CACNA1H: variants seen among roughly 807,000 people sequenced by gnomAD.
CACNA1H encodes voltage-dependent T-type calcium channel subunit alpha-1H.
Under a neutral mutation model 192.5 loss-of-function variants are expected in CACNA1H, and 149 were observed. The observed-to-expected ratio is 0.77, with a 90% confidence interval of 0.68 to 0.89. The LOEUF is 0.89. Ranked by LOEUF, CACNA1H falls within the 40% of genes least tolerant of loss-of-function variation. The pLI, the probability that CACNA1H is intolerant of heterozygous loss-of-function variation, is 0.00. For synonymous variants in CACNA1H, 2,202 were observed against 1,475.2 expected, an observed-to-expected ratio of 1.49 and a Z score of -11.29; for missense variants, 4,257 against 3,423.5, an observed-to-expected ratio of 1.24 and a Z score of -6.08.
rs1431381776 is a variant in CACNA1H at position 1,208,217 on chromosome 16, C to G, written c.3359C>G (p.Pro1120Arg). 20 of 1,558,734 alleles carry G rather than the reference C, an allele frequency of 1.3e-5. No homozygotes were observed. The highest frequency in any genetic ancestry group is 1.6e-5 in the Non-Finnish European group (19 of 1,154,450). ...SGDPPLGDQK[P>R]PASLRSSPCA... Reference sequence around the variant, plus strand: ...GACCCGCCACTGGGAGACCAGAAGCCTCCGGTAGGGACCATCTCCTGCCCC... The same window carrying G: ...GACCCGCCACTGGGAGACCAGAAGCGTCCGGTAGGGACCATCTCCTGCCCC... Residue 1120 changes from proline to arginine, a missense_variant, in exon 16 of 35, where the codon CCT (proline) becomes CGT (arginine). Coordinates refer to ENST00000348261, the MANE Select transcript of CACNA1H (RefSeq NM_021098.3).
In CACNA1H at chr16:1,204,044, C is replaced by CA; in HGVS notation, c.2038dup (p.Ser680LysfsTer17). On this transcript the variant is annotated frameshift_variant, in exon 10 of 35. Coordinates refer to ENST00000348261, the MANE Select transcript of CACNA1H (RefSeq NM_021098.3). LOFTEE classifies it high-confidence loss of function. ...AGGCCCCTGGCCATCTGTCGGGCCT[C>CA]AGTGTGCCCTGCCCCCTGCCCAGCC... is the stretch of plus-strand genomic sequence containing the variant. 1 of 1,581,224 alleles carries CA rather than the reference C, an allele frequency of 6.3e-7. No homozygotes were observed. Among genetic ancestry groups the CA allele is most frequent in the Non-Finnish European group, 8.6e-7 (1 of 1,164,568 alleles).
chr16:1,211,456 C>T (rs377540235), intron 22 of CACNA1H, 25 bp from the exon 23 acceptor site: 304 of 1,612,062 alleles, frequency 1.9e-4, no homozygotes, highest in African/African-American at 3.9e-4. Flanking sequence ...CCAGGCCCTC[C>T]GCGGTGACCG....
rs568016252 is a variant in CACNA1H, at chr16:1,210,309, C to G, written c.3846-61C>G. ...GCGTGGCCAGGGCTGTCCTGCAACC[C>G]CCATCCACTCTGCCATCCACGCCGC... On this transcript the variant is annotated intron_variant, in intron 18 of 34. Transcript: ENST00000348261. 1.0e-4 allele frequency: 149 copies of G among 1,428,388 alleles called. 1 individual carries two copies. Among genetic ancestry groups the G allele is most frequent in the Non-Finnish European group, 1.4e-4 (146 of 1,050,456 alleles). The allele number at this position is 1,428,388 out of a possible 1,614,324, so 88.5% of individuals were successfully genotyped here.
chr16:1,210,419 G>A lies in CACNA1H; in HGVS notation c.3895G>A (p.Val1299Met), dbSNP rs748908706. The A allele has an allele frequency of 6.7e-6, 10 of 1,496,420 alleles. No individual in the cohort carries two copies. Among genetic ancestry groups the A allele is most frequent in the African/African-American group, 1.5e-5 (1 of 67,864 alleles). 92.7% of individuals were successfully genotyped at this position (1,496,420 alleles called of 1,614,324 possible). ...KVITHKMFDHVVLVFIFLNCV... is the reference protein window; with the variant it reads ...KVITHKMFDHMVLVFIFLNCV... ...CATCACACACAAGATGTTTGATCAC[G>A]TGGTCCTCGTCTTCATCTTCCTCAA... The change falls in exon 19 of 35, where the codon GTG (valine) becomes ATG (methionine). Residue 1299 changes from valine to methionine, a missense_variant. Coordinates refer to ENST00000348261, the MANE Select transcript of CACNA1H (RefSeq NM_021098.3).
intron 33 of CACNA1H, 117 bp from the exon 34 acceptor site, chr16:1,218,853 C>A: frequency 2.3e-6 from 2 of 860,204 alleles, no homozygotes; most frequent in Non-Finnish European, 3.1e-6. Flanking sequence ...GAGGACGGGT[C>A]GGGCTGGGGC....
chr16:1,213,990 A>C, intron 27 of CACNA1H, 59 bp downstream of exon 27: 1 of 1,445,672 alleles, frequency 6.9e-7, no homozygotes. Flanking sequence ...TGGGGCAGCC[A>C]ACACAGTGGG....
At chr16:1,206,698 C>G (rs1968756076) in intron 12 of CACNA1H, 1 of 456,654 alleles carries the variant, frequency 2.2e-6, no homozygotes, top group Non-Finnish European at 4.0e-6. Flanking sequence ...TCCAGAGAGG[C>G]TGAATGAGGC....
At position 1,207,407 on chromosome 16, in the gene CACNA1H, C is replaced by T; in HGVS notation, c.3040C>T (p.Leu1014Phe). 1 of 1,613,200 alleles carries T rather than the reference C, an allele frequency of 6.2e-7. No homozygotes were observed. Among genetic ancestry groups the T allele is most frequent in the Non-Finnish European group, 8.5e-7 (1 of 1,179,806 alleles). ...YVLFNLLVAI[L>F]VEGFQAEGDA... ...GCTCTTCAACCTGCTGGTGGCCATC[C>T]TCGTGGAGGGCTTCCAGGCGGAGGT... The change falls in exon 14 of 35, where the codon CTC becomes TTC. Residue 1014 changes from leucine (L) to phenylalanine (F), a missense_variant. Leu to Phe is a conservative substitution (Grantham distance 22, BLOSUM62 0). Transcript: ENST00000348261.
intron 2 of CACNA1H, among the ~76,000 whole-genome samples, chr16:1,185,990 G>A (rs1301013494): frequency 7.9e-6 from 1 of 127,166 alleles, no homozygotes; most frequent in Non-Finnish European, 1.6e-5. Flanking sequence ...GGGTGTGTAC[G>A]GGGCAGGTGA....
Position 1,204,261 on chromosome 16 carries a change from C to G in CACNA1H, c.2254C>G (p.Pro752Ala), listed in dbSNP as rs2141280097. ...PTRPPRATDT[P>A]GPGPGSPQRR... ...GCGACCACCCCGTGCGACGGACACA[C>G]CAGGCCCAGGCCCAGGCAGCCCCCA... The change falls in exon 10 of 35, where the codon CCA (proline) becomes GCA (alanine). Residue 752 changes from proline to alanine, a missense_variant. Coordinates refer to ENST00000348261, the MANE Select transcript of CACNA1H (RefSeq NM_021098.3). The G allele has an allele frequency of 1.9e-6, 3 of 1,608,394 alleles. No homozygotes were observed. Among genetic ancestry groups the G allele is most frequent in the Non-Finnish European group, 2.5e-6 (3 of 1,177,702 alleles).
chr16:1,213,784 C>G lies in CACNA1H; in HGVS notation c.4782C>G (p.Ala1594=), dbSNP rs1194674103. The part of the protein sequence containing the change: ...RRRSTFPSPE[A]QRRPYYADYS... The stretch of plus-strand genomic sequence containing the variant: ...TCATGGCCGCCCTCCCCGCAGAGGC[C>G]CAGCGCCGGCCCTACTATGCCGACT... Residue 1594 remains alanine, a synonymous_variant, in exon 27 of 35, where the codon GCC becomes GCG. Coordinates refer to ENST00000348261, the MANE Select transcript of CACNA1H (RefSeq NM_021098.3). 3.9e-6 allele frequency: 6 copies of G among 1,555,714 alleles called. No homozygotes were observed. Among genetic ancestry groups the G allele is most frequent in the Non-Finnish European group, 5.2e-6 (6 of 1,153,008 alleles).
At chr16:1,190,974 C>T (rs1162930613) in intron 2 of CACNA1H, among the ~76,000 whole-genome samples, 8 of 147,848 alleles carry the variant, frequency 5.4e-5, no homozygotes, top group East Asian at 2.0e-4. Context: ...CAGGCACACT[C>T]GGGGTTTCGG....
chr16:1,190,413 CAT>C (rs1173865700), intron 2 of CACNA1H, among the ~76,000 whole-genome samples: 4 of 152,266 alleles, frequency 2.6e-5, no homozygotes, highest in African/African-American at 9.6e-5. Flanking sequence ...AAGTGTGACA[CAT>C]GAGGGCCAGC....
chr16:1,212,768 C>T (rs1969613769), intron 26 of CACNA1H, among the ~76,000 whole-genome samples: 3 of 152,224 alleles, frequency 2.0e-5, no homozygotes, highest in Non-Finnish European at 4.4e-5. Context: ...CGCCGGGACA[C>T]CCAGAGCAAC....
At position 1,209,226 on chromosome 16, in the gene CACNA1H, C is replaced by T. The variant is rs748985468; in HGVS notation, c.3558C>T (p.Pro1186=). 22 of 1,544,824 alleles carry T rather than the reference C, an allele frequency of 1.4e-5. No homozygotes were observed. Among genetic ancestry groups the T allele is most frequent in the South Asian group, 3.6e-5 (3 of 83,824 alleles). The change falls in exon 17 of 35, where the codon CCC becomes CCT. Residue 1186 remains proline (P), a synonymous_variant. Coordinates refer to ENST00000348261, the MANE Select transcript of CACNA1H (RefSeq NM_021098.3). ...DDEAEDGRAA[P]GPRATPLRRA... ...AAGCTGAGGACGGCAGGGCCGCGCC[C>T]GGGCCCCGTGCCACCCCACTGCGGC...
rs57204601 is a variant in CACNA1H, at chr16:1,215,004, C to T, written c.4962C>T (p.Tyr1654=). The change falls in exon 28 of 35, where the codon TAC becomes TAT. Residue 1654 remains tyrosine, a synonymous_variant. Coordinates refer to ENST00000348261, the MANE Select transcript of CACNA1H (RefSeq NM_021098.3). ...SLDEALKYCN[Y]VFTIVFVFEA... ...ACGAGGCCCTCAAGTACTGCAACTA[C>T]GTCTTCACCATCGTGTTTGTCTTCG... The T allele has an allele frequency of 4.8e-5, 77 of 1,612,270 alleles. No homozygotes were observed. The highest frequency in any genetic ancestry group is 2.0e-4 in the East Asian group (9 of 44,850).
At chr16:1,185,503 C>A (rs1298331575) in intron 2 of CACNA1H, among the ~76,000 whole-genome samples, 2 of 142,028 alleles carry the variant, frequency 1.4e-5, no homozygotes, top group South Asian at 2.2e-4. Flanking sequence ...CTGCAGAGTC[C>A]CCCCCCCCGC....
chr16:1,197,684 A>T (rs1967152823), intron 5 of CACNA1H, among the ~76,000 whole-genome samples: 1 of 151,972 alleles, frequency 6.6e-6, no homozygotes, highest in South Asian at 2.1e-4. Flanking sequence ...GGCTCTTTTG[A>T]CACTTCAGTG....
Position 1,209,066 on chromosome 16 carries a change from G to T in CACNA1H, c.3398G>T (p.Gly1133Val). The T allele has an allele frequency of 6.5e-7, 1 of 1,537,612 alleles. No individual in the cohort carries two copies. The highest frequency in any genetic ancestry group is 8.7e-7 in the Non-Finnish European group (1 of 1,147,526). ...CGAAGTTCTCCCTGTGCCCCCTGGG[G>T]CCCCAGTGGCGCCTGGAGCAGCCGG... ...SLRSSPCAPW[G>V]PSGAWSSRRS... Residue 1133 changes from glycine (G) to valine (V), a missense_variant, in exon 17 of 35, where the codon GGC becomes GTC. Gly to Val is a moderately radical substitution (Grantham distance 109). Transcript: ENST00000348261.
Sources: gnomAD v4.1 joint callset for allele counts (sites outside exome capture counted in the v4.1 genomes callset) on GRCh38, gnomAD v4.1.1 for gene constraint, MANE v1.5 for transcripts, NCBI Gene and HGNC (gene_info 2026-07-23, HGNC 2026-07-21) for gene names.